Variants in PRKCA observed in about 807,000 individuals in gnomAD.
PRKCA encodes the protein protein kinase C alpha type.
A neutral mutation model predicts 87.0 loss-of-function variants in PRKCA; 27 were observed. That is an observed-to-expected ratio of 0.31 (90% confidence interval 0.23 to 0.43). PRKCA has a LOEUF of 0.43. PRKCA is among the 20% of genes least tolerant of loss of function. The probability of loss-of-function intolerance (pLI) is 1.00; values close to 1 mark genes in which losing one functional copy is unlikely to be tolerated. For missense variants in PRKCA, 518 were observed against 852.3 expected, an observed-to-expected ratio of 0.61 and a Z score of 4.88; for synonymous variants, 329 against 311.1, an observed-to-expected ratio of 1.06 and a Z score of -0.61.
Position 66,741,733 on chromosome 17 carries a change from A to G in PRKCA, c.1385+12A>G. ...GGAATCATTTATAGGTGTGTATTGAAGCCCTCCTACCAGCAGCTCAGCAGA... is the reference window on the plus strand; with the variant it reads ...GGAATCATTTATAGGTGTGTATTGAGGCCCTCCTACCAGCAGCTCAGCAGA... On this transcript the variant is annotated intron_variant, in intron 12 of 16. Coordinates refer to ENST00000413366, the MANE Select transcript of PRKCA (RefSeq NM_002737.3). 1 of 1,613,444 alleles carries G rather than the reference A, an allele frequency of 6.2e-7. No homozygotes were observed.
intron 3 of PRKCA, among the ~76,000 whole-genome samples, chr17:66,553,523 G>T (rs564829686): frequency 2.0e-5 from 3 of 152,122 alleles, no homozygotes; most frequent in African/African-American, 4.8e-5. Context: ...ACTAGATTTC[G>T]CGACTTGCTT....
At chr17:66,462,803 A>G (rs1484337092) in intron 2 of PRKCA, among the ~76,000 whole-genome samples, 1 of 152,210 alleles carries the variant, frequency 6.6e-6, no homozygotes, top group Non-Finnish European at 1.5e-5. Context: ...GTCCTCCTGC[A>G]GAGAATAAGA....
At chr17:66,455,093 C>T (rs1456077102) in intron 2 of PRKCA, among the ~76,000 whole-genome samples, 1 of 152,170 alleles carries the variant, frequency 6.6e-6, no homozygotes, top group Non-Finnish European at 1.5e-5. Context: ...ACTTATTTTT[C>T]CCAGATGAGG....
In PRKCA at chr17:66,660,730, A is replaced by AAT. The variant is rs533787939; in HGVS notation, c.529+15231_529+15232dup. On this transcript the variant is annotated intron_variant, in intron 5 of 16. Transcript: ENST00000413366. ...CGGTGAAAACCTGTCTCTACTAAAA[A>AAT]ATATATATATATAATAACAATACAA... Among the ~76,000 whole-genome samples the AAT allele has an allele frequency of 5.4e-4, 82 of 151,616 alleles. No homozygotes were observed. The Middle Eastern group carries it at 0.014, about 25-fold the overall frequency.
At chr17:66,358,565 C>T (rs116756002) in intron 2 of PRKCA, among the ~76,000 whole-genome samples, 3,303 of 150,284 alleles carry the variant, frequency 0.022, 74 homozygotes, top group Non-Finnish European at 0.03. Flanking sequence ...GAAGAAGAAA[C>T]GTAACTACCT....
chr17:66,718,237 T>C (rs1205234696), intron 8 of PRKCA, among the ~76,000 whole-genome samples: 1 of 152,216 alleles, frequency 6.6e-6, no homozygotes, highest in Non-Finnish European at 1.5e-5. Context: ...GCTCACTTTC[T>C]GATTCACAGA....
intron 12 of PRKCA, among the ~76,000 whole-genome samples, chr17:66,742,394 G>T (rs547767887): frequency 6.6e-6 from 1 of 152,180 alleles, no homozygotes; most frequent in Non-Finnish European, 1.5e-5. Flanking sequence ...TAGTCCAGTC[G>T]TTTAGTAATC....
At chr17:66,508,127 C>T (rs1248875648) in intron 3 of PRKCA, among the ~76,000 whole-genome samples, 1 of 152,158 alleles carries the variant, frequency 6.6e-6, no homozygotes, top group African/African-American at 2.4e-5. Context: ...TGGGGAGCAC[C>T]CCCCCTCACA....
intron 2 of PRKCA, among the ~76,000 whole-genome samples, chr17:66,332,225 CCTTCT>C (rs1158533688): frequency 0.015 from 2,184 of 142,434 alleles, 56 homozygotes; most frequent in African/African-American, 0.054. Context: ...TTCCTTCCTT[CCTTCT>C]TTTTTTTTTT....
At chr17:66,660,675 G>A (rs560951172) in intron 5 of PRKCA, among the ~76,000 whole-genome samples, 2 of 152,126 alleles carry the variant, frequency 1.3e-5, no homozygotes, top group South Asian at 4.1e-4. Context: ...GGATCACGAG[G>A]TCAGGAGATC....
chr17:66,343,254 G>T (rs989782281), intron 2 of PRKCA, among the ~76,000 whole-genome samples: 8 of 152,230 alleles, frequency 5.3e-5, no homozygotes, highest in African/African-American at 1.4e-4. Flanking sequence ...TTCCTAAGTT[G>T]CTGGGAATAT....
intron 3 of PRKCA, among the ~76,000 whole-genome samples, chr17:66,526,441 A>G (rs1336669180): frequency 1.3e-5 from 2 of 152,164 alleles, no homozygotes; most frequent in Non-Finnish European, 1.5e-5. Context: ...GTGCTCAGCT[A>G]GGCATCTCGG....
chr17:66,343,289 T>C (rs1907152207), intron 2 of PRKCA, among the ~76,000 whole-genome samples: 1 of 152,216 alleles, frequency 6.6e-6, no homozygotes, highest in African/African-American at 2.4e-5. Flanking sequence ...TCATAATTTT[T>C]GGTACTTAAT....
At chr17:66,765,426 A>ATCTATATATC (rs1343913537) in intron 13 of PRKCA, among the ~76,000 whole-genome samples, 1 of 124,324 alleles carries the variant, frequency 8.0e-6, no homozygotes, top group African/African-American at 3.2e-5. Context: ...GTCTATATAT[A>ATCTATATATC]TATATATATA....
At chr17:66,385,119 G>A (rs543440301) in intron 2 of PRKCA, among the ~76,000 whole-genome samples, 62 of 152,196 alleles carry the variant, frequency 4.1e-4, no homozygotes, top group Non-Finnish European at 7.9e-4. Flanking sequence ...TACATCATGT[G>A]ATCAGACAGC....
intron 13 of PRKCA, among the ~76,000 whole-genome samples, chr17:66,752,543 A>T (rs1974459943): frequency 6.6e-6 from 1 of 152,178 alleles, no homozygotes; most frequent in Non-Finnish European, 1.5e-5. Flanking sequence ...GGCTGTGGTG[A>T]GCCAAGATCA....
intron 11 of PRKCA, among the ~76,000 whole-genome samples, chr17:66,740,761 A>C (rs1974142845): frequency 6.6e-6 from 1 of 152,228 alleles, no homozygotes. Context: ...AAGTAACATA[A>C]AGGTGTCTGG....
intron 16 of PRKCA, among the ~76,000 whole-genome samples, chr17:66,802,861 C>T (rs147181079): frequency 2.2e-4 from 33 of 152,276 alleles, no homozygotes; most frequent in African/African-American, 7.5e-4. Context: ...TCATATTGGC[C>T]CTGTGGTGCT....
intron 3 of PRKCA, among the ~76,000 whole-genome samples, chr17:66,635,993 G>A (rs977950326): frequency 4.6e-5 from 7 of 151,984 alleles, no homozygotes; most frequent in South Asian, 2.1e-4. Context: ...GATCTAGTCC[G>A]GTTGTTTTCA....
Sources: allele counts gnomAD v4.1 joint callset (sites outside exome capture counted in the v4.1 genomes callset), GRCh38; gene constraint gnomAD v4.1.1; transcripts MANE v1.5; gene names NCBI Gene and HGNC (gene_info 2026-07-23, HGNC 2026-07-21).